The following EML3 variants were observed in gnomAD, a reference collection of about 807,000 sequenced individuals.
EML3 encodes the protein EMAP like 3, also known as echinoderm microtubule-associated protein-like 3.
Under a neutral mutation model 106.7 loss-of-function variants are expected in EML3, and 53 were observed. The ratio of observed to expected loss-of-function variants is 0.50; its 90% CI spans 0.40 to 0.62. EML3 has a LOEUF of 0.62. Ranked by LOEUF, EML3 falls within the 20% of genes least tolerant of loss-of-function variation. EML3 has a pLI of 0.00. For missense variants in EML3, 994 were observed against 1,209.1 expected (o/e 0.82, Z 2.64); for synonymous variants, 499 against 489.6 (o/e 1.02, Z -0.25).
Position 62,612,536 on chromosome 11 carries a change from G to A in EML3, c.-79C>T, listed in dbSNP as rs1220271490. On this transcript the variant is annotated 5_prime_UTR_variant, in exon 1 of 22. Transcript: ENST00000394773. ...GGGGCCACGGCCGGGGAGAGGGGAA[G>A]GGGAAGCACCCCGGGGCGCGCGCGA... 15 of 1,302,722 alleles carry A rather than the reference G, an allele frequency of 1.2e-5. No individual in the cohort carries two copies. Among genetic ancestry groups the A allele is most frequent in the East Asian group, 3.2e-5 (1 of 31,478 alleles). The allele number at this position is 1,302,722 out of a possible 1,614,324, so 80.7% of individuals were successfully genotyped here.
At chr11:62,604,358 G>A (rs549651135) in intron 16 of EML3, among the ~76,000 whole-genome samples, 157 bp from the exon 17 acceptor site, 1 of 152,106 alleles carries the variant, frequency 6.6e-6, no homozygotes, top group South Asian at 2.1e-4. Context: ...GGTCACAACT[G>A]CATTCTTCTT....
Position 62,607,797 on chromosome 11 carries a change from C to G in EML3, c.1231G>C (p.Val411Leu). ...CTGCTGTCACGAGGGTTGAAGCCAA[C>G]GGCCAGGACTGAGTCATTTGTACTC... ...IKSTNDSVLA[V>L]GFNPRDSSCI... is the part of the protein sequence containing the mutation. Residue 411 changes from valine (V) to leucine (L), a missense_variant, in exon 11 of 22, where the codon GTT becomes CTT. This residue lies in a region of EML3 where 713 missense variants were observed against 920.5 expected (regional missense o/e 0.77). Transcript: ENST00000394773. 1.2e-6 allele frequency: 2 copies of G among 1,613,912 alleles called. No homozygotes were observed. Among genetic ancestry groups the G allele is most frequent in the South Asian group, 2.2e-5 (2 of 91,070 alleles).
chr11:62,608,480 G>A, intron 9 of EML3, 62 bp downstream of exon 9: 1 of 1,528,818 alleles, frequency 6.5e-7, no homozygotes, highest in East Asian at 2.3e-5. Context: ...GCTTCCTGGT[G>A]ACATGCAAGA....
In EML3 at chr11:62,611,557, T is replaced by C; in HGVS notation, c.62A>G (p.Gln21Arg). The C allele has an allele frequency of 6.2e-7, 1 of 1,613,752 alleles. No homozygotes were observed. Among genetic ancestry groups the C allele is most frequent in the Non-Finnish European group, 8.5e-7 (1 of 1,179,976 alleles). Residue 21 changes from glutamine to arginine, a missense_variant, in exon 2 of 22, where the codon CAG (glutamine) becomes CGG (arginine). Transcript: ENST00000394773. ...PAREALQSLS[Q>R]RLRVQEQEME... ...CTCCTGCTCCTGCACCCGAAGCCGC[T>C]GGCTCAGAGACTGGAGGGCCTCCCG...
At chr11:62,606,589 G>A (rs1476262058) in intron 12 of EML3, among the ~76,000 whole-genome samples, 1 of 152,248 alleles carries the variant, frequency 6.6e-6, no homozygotes, top group Non-Finnish European at 1.5e-5. Context: ...GGGCGCCGTG[G>A]CTCACGCCTG....
In EML3 at chr11:62,608,313, C is replaced by G. The variant is rs754092127; in HGVS notation, c.1111-17G>C. 1.2e-6 allele frequency: 2 copies of G among 1,610,248 alleles called. No homozygotes were observed. Among genetic ancestry groups the G allele is most frequent in the South Asian group, 2.2e-5 (2 of 90,996 alleles). On this transcript the variant is annotated splice_polypyrimidine_tract_variant and intron_variant, in intron 9 of 21. Transcript: ENST00000394773. ...ACCCTGATCCTGAAGAAGGGTGACA[C>G]ATAGGAGGTGCAGAGTGAACCCTGG... is the stretch of plus-strand genomic sequence containing the variant.
At chr11:62,611,719 C>A (rs1942839825) in intron 1 of EML3, 123 bp from the exon 2 acceptor site, 8 of 1,145,104 alleles carry the variant, frequency 7.0e-6, no homozygotes, top group Non-Finnish European at 9.6e-6. Context: ...CAGCCCCAGG[C>A]TTGAATGCTC....
At position 62,611,285 on chromosome 11, in the gene EML3, G is replaced by A; in HGVS notation, c.254C>T (p.Thr85Ile). 1 of 1,612,972 alleles carries A rather than the reference G, an allele frequency of 6.2e-7. No individual in the cohort carries two copies. Among genetic ancestry groups the A allele is most frequent in the Non-Finnish European group, 8.5e-7 (1 of 1,179,946 alleles). ...GAGCTCCACCTCTGTCTCCGTCTGG[G>A]TGCCTCGGCTCACCAAGGAAGGGGT... ...TCTPSLVSRGTQTETEVELKS... is the reference protein window; with the variant it reads ...TCTPSLVSRGIQTETEVELKS... The change falls in exon 3 of 22, where the codon ACC (threonine) becomes ATC (isoleucine). Residue 85 changes from threonine to isoleucine, a missense_variant. Around this residue, in one of 3 missense-constraint regions of EML3, gnomAD observed 269 missense variants for 265.1 expected, o/e 1.01. Coordinates refer to ENST00000394773, the MANE Select transcript of EML3 (RefSeq NM_153265.3).
chr11:62,602,326 G>C lies in EML3; in HGVS notation c.*149C>G, dbSNP rs937465357. On this transcript the variant is annotated 3_prime_UTR_variant, in exon 22 of 22. Transcript: ENST00000394773. ...TCTAAACAGTGTGTGCAGGGGCGCC[G>C]TTCGCGCCCTCCAGGAAAATGCGCG... 15 of 1,550,784 alleles carry C rather than the reference G, an allele frequency of 9.7e-6. No individual in the cohort carries two copies. The highest frequency in any genetic ancestry group is 1.7e-4 in the Middle Eastern group (1 of 6,010).
In EML3 at chr11:62,611,135, C is replaced by T. The variant is rs1371104681; in HGVS notation, c.404G>A (p.Gly135Asp). The change falls in exon 3 of 22, where the codon GGC becomes GAC. Residue 135 changes from glycine (G) to aspartate (D), a missense_variant. By Grantham distance (94) the Gly-to-Asp change is moderately conservative. This residue lies in a region of EML3 where 269 missense variants were observed against 265.1 expected (regional missense o/e 1.01). Coordinates refer to ENST00000394773, the MANE Select transcript of EML3 (RefSeq NM_153265.3). ...CAAGGGCCTGAGGATCCCCGGGGGGCCAGGGGAGCCAGCACCACTGCTGCT... is the reference window on the plus strand; with the variant it reads ...CAAGGGCCTGAGGATCCCCGGGGGGTCAGGGGAGCCAGCACCACTGCTGCT... ...GSSSSGAGSP[G>D]PPGILRPLQP... is the part of the protein sequence containing the mutation. 1 of 1,598,146 alleles carries T rather than the reference C, an allele frequency of 6.3e-7. No individual in the cohort carries two copies. Among genetic ancestry groups the T allele is most frequent in the Non-Finnish European group, 8.5e-7 (1 of 1,177,688 alleles).
rs1465554218 is a variant in EML3, at chr11:62,608,779, C to T, written c.956G>A (p.Arg319Gln). The T allele has an allele frequency of 1.3e-6, 2 of 1,585,036 alleles. No individual in the cohort carries two copies. Among genetic ancestry groups the T allele is most frequent in the East Asian group, 2.2e-5 (1 of 44,674 alleles). ...TCCAGCTGTCTGTCCCGAGGCTACC[C>T]GAACACCATCAGGGTGAACAGCAAG... is the stretch of plus-strand genomic sequence containing the variant. The part of the protein sequence containing the change: ...RCLAVHPDGV[R>Q]VASGQTAGVD... The change falls in exon 8 of 22, where the codon CGG becomes CAG. Residue 319 changes from arginine to glutamine, a missense_variant. Around this residue, in one of 3 missense-constraint regions of EML3, gnomAD observed 713 missense variants for 920.5 expected, o/e 0.77. Transcript: ENST00000394773.
At chr11:62,612,401 G>A in intron 1 of EML3, 35 bp downstream of exon 1, 1 of 1,499,570 alleles carries the variant, frequency 6.7e-7, no homozygotes, top group Non-Finnish European at 8.9e-7. Flanking sequence ...GGCGCTCCGG[G>A]AAGGGGCACG....
In EML3 at chr11:62,611,361, G is replaced by T. The variant is rs767230296; in HGVS notation, c.195-17C>A. The stretch of plus-strand genomic sequence containing the variant: ...GCTGCAAGACTGCTGGAGAGATGTT[G>T]AATTAACCTGAAGCCCCAGAGGCCC... On this transcript the variant is annotated splice_polypyrimidine_tract_variant and intron_variant, in intron 2 of 21. Transcript: ENST00000394773. The T allele has an allele frequency of 5.6e-5, 91 of 1,613,264 alleles. No homozygotes were observed. Among genetic ancestry groups the T allele is most frequent in the Non-Finnish European group, 7.5e-5 (88 of 1,179,876 alleles).
In EML3 at chr11:62,611,738, G is replaced by A. The variant is rs1000181003; in HGVS notation, c.23-142C>T. 5.3e-6 allele frequency: 5 copies of A among 947,314 alleles called. No homozygotes were observed. In the African/African-American group the frequency reaches 6.6e-5, roughly 13 times the overall value. 58.7% of individuals were successfully genotyped at this position (947,314 alleles called of 1,614,324 possible). ...CCCAGGCTTGAATGCTCGTCCAGAG[G>A]GGAGGAGACGGTGGTAAAGGATCAA... On this transcript the variant is annotated intron_variant, in intron 1 of 21. Transcript: ENST00000394773.
chr11:62,605,683 C>T lies in EML3; in HGVS notation c.1873G>A (p.Asp625Asn). The change falls in exon 15 of 22, where the codon GAT (aspartate) becomes AAT (asparagine). Residue 625 changes from aspartate to asparagine, a missense_variant. Physicochemically the swap from Asp to Asn is conservative, Grantham distance 23. Transcript: ENST00000394773. The surrounding 1 kb of genome is among the most constrained non-coding windows in gnomAD (Gnocchi z 5.2). The part of the protein sequence containing the change: ...CGHDRQLCLW[D>N]GESHALAWSI... The stretch of plus-strand genomic sequence containing the variant: ...CAGGCCAGTGCATGGCTCTCCCCAT[C>T]CCACAGGCAGAGCTGCCGGTCGTGG... 1 of 1,592,406 alleles carries T rather than the reference C, an allele frequency of 6.3e-7. No individual in the cohort carries two copies. The highest frequency in any genetic ancestry group is 2.2e-5 in the East Asian group (1 of 44,800).
intron 3 of EML3, 24 bp downstream of exon 3, chr11:62,611,063 G>C (rs778479321): frequency 1.2e-5 from 19 of 1,600,118 alleles, no homozygotes; most frequent in Non-Finnish European, 1.4e-5. Context: ...CCCAGCTTCC[G>C]CCACAGGGCC....
rs1317543022 is a variant in EML3, at chr11:62,602,571, G to T, written c.2595C>A (p.Phe865Leu). ...VSLGGKDASI[F>L]QWRVLGAGGA... ...CCCCAGCGCCCAGCACTCGCCACTGGAAGATGCTGGCGTCCTTGCCGCCCA... is the reference window on the plus strand; with the variant it reads ...CCCCAGCGCCCAGCACTCGCCACTGTAAGATGCTGGCGTCCTTGCCGCCCA... Residue 865 changes from phenylalanine (F) to leucine (L), a missense_variant, in exon 22 of 22, where the codon TTC becomes TTA. By Grantham distance (22) the Phe-to-Leu change is conservative. This residue lies in a region of EML3 where 713 missense variants were observed against 920.5 expected (regional missense o/e 0.77). Coordinates refer to ENST00000394773, the MANE Select transcript of EML3 (RefSeq NM_153265.3). 6.5e-7 allele frequency: 1 copy of T among 1,531,252 alleles called. No homozygotes were observed. Among genetic ancestry groups the T allele is most frequent in the Admixed American group, 2.0e-5 (1 of 49,634 alleles). The allele number at this position is 1,531,252 out of a possible 1,614,324, so 94.9% of individuals were successfully genotyped here. A position where few individuals can be genotyped will look rare whatever the true frequency, so the allele number is the denominator to read the frequency against.
At chr11:62,608,874 T>G in intron 7 of EML3, 69 bp from the exon 8 acceptor site, 2 of 1,579,596 alleles carry the variant, frequency 1.3e-6, no homozygotes, top group East Asian at 4.5e-5. Flanking sequence ...TCTCCAAGCT[T>G]GCAGAGCAGC....
intron 12 of EML3, among the ~76,000 whole-genome samples, chr11:62,606,627 C>T (rs921667209): frequency 3.9e-5 from 6 of 152,192 alleles, no homozygotes; most frequent in Admixed American, 6.5e-5. Flanking sequence ...GAGGCCAAGG[C>T]GGGCGGATCA....
Sources: allele counts gnomAD v4.1 joint callset (sites outside exome capture counted in the v4.1 genomes callset), GRCh38; gene constraint gnomAD v4.1.1; regional missense constraint gnomAD v4.1.1; non-coding constraint Gnocchi (gnomAD v3.1); transcripts MANE v1.5; gene names NCBI Gene and HGNC (gene_info 2026-07-23, HGNC 2026-07-21).